KLRF2: variants seen among roughly 807,000 people sequenced by gnomAD.
KLRF2 encodes the protein killer cell lectin like receptor F2.
KLRF2 carries 28 observed loss-of-function variants against 25.3 expected under a neutral mutation model. The observed-to-expected ratio is 1.11, with a 90% CI of 0.82 to 1.52. The LOEUF is 1.52. Ranked by LOEUF, KLRF2 falls within the 40% of genes most tolerant of loss-of-function variation. KLRF2 has a pLI of 0.00. For synonymous variants in KLRF2, 73 were observed against 85.0 expected (o/e 0.86, Z 0.78); for missense variants, 265 against 245.8 (o/e 1.08, Z -0.52).
chr12:9,888,556 C>G (rs542322723), intron 2 of KLRF2, among the ~76,000 whole-genome samples, 177 bp from the exon 3 acceptor site: 1 of 151,760 alleles, frequency 6.6e-6, no homozygotes, highest in South Asian at 2.1e-4. Context: ...GGAGTAAAAA[C>G]AGATATGGCG....
chr12:9,892,426 T>G (rs1428972323), intron 3 of KLRF2, among the ~76,000 whole-genome samples: 1 of 152,096 alleles, frequency 6.6e-6, no homozygotes, highest in Non-Finnish European at 1.5e-5. Context: ...ACTTTTTCAG[T>G]TGGTAATTAA....
chr12:9,895,560 C>A, intron 5 of KLRF2, 129 bp from the exon 6 acceptor site: 2 of 778,166 alleles, frequency 2.6e-6, no homozygotes, highest in Non-Finnish European at 1.9e-6. Context: ...AATGAAAATT[C>A]CATTCTAAAA....
intron 2 of KLRF2, 36 bp from the exon 3 acceptor site, chr12:9,888,697 A>T: frequency 8.1e-7 from 1 of 1,238,898 alleles, no homozygotes; most frequent in Non-Finnish European, 1.1e-6. Context: ...TTGATTTTTA[A>T]ATGTTTCTCA....
At chr12:9,893,394 CAAAT>C (rs934534957) in intron 4 of KLRF2, 31 bp from the exon 5 acceptor site, 28 of 1,064,512 alleles carry the variant, frequency 2.6e-5, no homozygotes, top group African/African-American at 4.7e-5. Flanking sequence ...TTTTTTTAAA[CAAAT>C]GAATGAATAA....
chr12:9,894,962 G>A (rs1484679929), intron 5 of KLRF2, among the ~76,000 whole-genome samples: 2 of 152,004 alleles, frequency 1.3e-5, no homozygotes, highest in Non-Finnish European at 2.9e-5. Flanking sequence ...ACACATGCAG[G>A]TGGTTATAAC....
chr12:9,891,095 G>T, intron 3 of KLRF2, among the ~76,000 whole-genome samples: 1 of 150,382 alleles, frequency 6.6e-6, no homozygotes, highest in South Asian at 2.1e-4. Flanking sequence ...GTCATGGTTG[G>T]GCACAATTTC....
intron 1 of KLRF2, among the ~76,000 whole-genome samples, chr12:9,884,488 T>C (rs528840151): frequency 6.6e-6 from 1 of 151,260 alleles, no homozygotes; most frequent in Middle Eastern, 3.5e-3. Flanking sequence ...AGTGAGTCAC[T>C]AAATTGAATA....
At chr12:9,895,487 T>C (rs1372218145) in intron 5 of KLRF2, among the ~76,000 whole-genome samples, 2 of 152,206 alleles carry the variant, frequency 1.3e-5, no homozygotes, top group African/African-American at 4.8e-5. Flanking sequence ...TGTCTTCTAG[T>C]GTAGCTCAAG....
intron 3 of KLRF2, among the ~76,000 whole-genome samples, chr12:9,892,675 C>T (rs957388850): frequency 2.7e-5 from 4 of 150,214 alleles, no homozygotes; most frequent in African/African-American, 9.8e-5. Flanking sequence ...ACCTCCACCT[C>T]CCAGGTTCAA....
chr12:9,886,157 A>G (rs1862595266), intron 2 of KLRF2, among the ~76,000 whole-genome samples: 1 of 152,176 alleles, frequency 6.6e-6, no homozygotes, highest in African/African-American at 2.4e-5. Flanking sequence ...ACTAGTAGTA[A>G]AAATATTTTT....
chr12:9,894,226 G>A (rs1862727966), intron 5 of KLRF2, among the ~76,000 whole-genome samples: 1 of 147,700 alleles, frequency 6.8e-6, no homozygotes, highest in South Asian at 2.1e-4. Context: ...CTGTGGCTCA[G>A]GCTGGAGTGC....
At chr12:9,892,733 G>C (rs1271933293) in intron 3 of KLRF2, among the ~76,000 whole-genome samples, 1 of 151,264 alleles carries the variant, frequency 6.6e-6, no homozygotes, top group Non-Finnish European at 1.5e-5. Context: ...TACAGGCATG[G>C]GCCACCATGC....
intron 1 of KLRF2, among the ~76,000 whole-genome samples, chr12:9,883,463 C>T (rs1197419230): frequency 6.6e-6 from 1 of 152,146 alleles, no homozygotes; most frequent in African/African-American, 2.4e-5. Context: ...TAAATCATGG[C>T]TTACATGAAA....
chr12:9,893,193 AC>A, intron 4 of KLRF2, 25 bp downstream of exon 4: 1 of 1,521,084 alleles, frequency 6.6e-7, no homozygotes. Context: ...ACAGGATCTA[AC>A]TGCACAAGGA....
chr12:9,893,443 C>G lies in KLRF2; in HGVS notation c.381C>G (p.Asn127Lys), dbSNP rs985204432. 3.1e-5 allele frequency: 45 copies of G among 1,458,988 alleles called. No homozygotes were observed. The African/African-American group carries it at 4.3e-4, about 14-fold the overall frequency. 90.4% of individuals were successfully genotyped at this position (1,458,988 alleles called of 1,614,324 possible). ...TTCTTCTGCAGGAGTTCATACAGAA[C>G]AGTTTAAAACCTGGACATTTTGGTT... ...QNLDELEFIQNSLKPGHFGWI... is the reference protein window; with the variant it reads ...QNLDELEFIQKSLKPGHFGWI... The change falls in exon 5 of 6, where the codon AAC becomes AAG. Residue 127 changes from asparagine (N) to lysine (K), a missense_variant. Physicochemically the swap from Asn to Lys is moderately conservative, Grantham distance 94. Transcript: ENST00000535540.
At chr12:9,895,307 A>T (rs1255985717) in intron 5 of KLRF2, among the ~76,000 whole-genome samples, 1 of 152,210 alleles carries the variant, frequency 6.6e-6, no homozygotes, top group African/African-American at 2.4e-5. Flanking sequence ...GAAATTATGG[A>T]GGTCAGTTCG....
chr12:9,883,648 T>C (rs1868118292), intron 1 of KLRF2, among the ~76,000 whole-genome samples: 1 of 152,190 alleles, frequency 6.6e-6, no homozygotes, highest in Non-Finnish European at 1.5e-5. Context: ...TTCAATTAAG[T>C]AGAAGTCTTT....
intron 3 of KLRF2, 95 bp from the exon 4 acceptor site, chr12:9,892,925 A>C: frequency 9.2e-7 from 1 of 1,092,390 alleles, no homozygotes; most frequent in Non-Finnish European, 1.3e-6. Context: ...AATGAGTTGG[A>C]AAAATCTATT....
At chr12:9,894,560 T>A (rs1230992619) in intron 5 of KLRF2, among the ~76,000 whole-genome samples, 4 of 152,196 alleles carry the variant, frequency 2.6e-5, no homozygotes, top group African/African-American at 7.2e-5. Flanking sequence ...ACATGAGGTG[T>A]TGCATGTAAG....
Sources: allele counts gnomAD v4.1 joint callset (sites outside exome capture counted in the v4.1 genomes callset), GRCh38; gene constraint gnomAD v4.1.1; transcripts MANE v1.5; gene names NCBI Gene and HGNC (gene_info 2026-07-23, HGNC 2026-07-21).